Variants in DOK5 observed in about 807,000 individuals in gnomAD.
DOK5 encodes the protein downstream of tyrosine kinase 5.
In DOK5, 27 loss-of-function variants were observed where a neutral mutation model predicts 43.3. The observed-to-expected ratio is 0.62, with a 90% CI of 0.46 to 0.86. The LOEUF is 0.86. Among genes scored for constraint, DOK5 ranks in the 40% least tolerant of loss-of-function variants. The probability of loss-of-function intolerance (pLI) is 0.00; values close to 1 mark genes in which losing one functional copy is unlikely to be tolerated. For missense variants in DOK5, 373 were observed against 392.9 expected (o/e 0.95, Z 0.43); for synonymous variants, 146 against 140.1 (o/e 1.04, Z -0.30).
intron 2 of DOK5, among the ~76,000 whole-genome samples, chr20:54,563,271 G>C (rs1984973696): frequency 6.6e-6 from 1 of 152,088 alleles, no homozygotes; most frequent in Non-Finnish European, 1.5e-5. Context: ...CCTACTCTAG[G>C]AAACGAATTC....
intron 1 of DOK5, among the ~76,000 whole-genome samples, chr20:54,514,072 G>C (rs770410221): frequency 6.6e-5 from 10 of 152,200 alleles, no homozygotes; most frequent in Non-Finnish European, 1.0e-4. Context: ...GAATAGCTGG[G>C]AAGTCCGAAG....
At chr20:54,594,608 A>G (rs1444790129) in intron 5 of DOK5, among the ~76,000 whole-genome samples, 2 of 152,190 alleles carry the variant, frequency 1.3e-5, no homozygotes, top group Non-Finnish European at 2.9e-5. Context: ...GTGTAAGAGA[A>G]TTCTGCATTG....
intron 1 of DOK5, among the ~76,000 whole-genome samples, chr20:54,525,148 C>T (rs947179265): frequency 3.9e-5 from 6 of 152,182 alleles, no homozygotes. Flanking sequence ...AAGTTGTCTT[C>T]CCCAAGGGTG....
intron 1 of DOK5, among the ~76,000 whole-genome samples, chr20:54,490,994 G>C (rs1051623980): frequency 1.3e-5 from 2 of 152,184 alleles, no homozygotes; most frequent in African/African-American, 2.4e-5. Context: ...CCCTTTGTCA[G>C]TAACGTTCTT....
chr20:54,524,593 A>G (rs1465442976), intron 1 of DOK5, among the ~76,000 whole-genome samples: 1 of 152,174 alleles, frequency 6.6e-6, no homozygotes, highest in East Asian at 1.9e-4. Flanking sequence ...TATTTCCTTC[A>G]TTATTCAATA....
chr20:54,559,235 G>A (rs1984819473), intron 2 of DOK5, among the ~76,000 whole-genome samples: 1 of 152,220 alleles, frequency 6.6e-6, no homozygotes, highest in Non-Finnish European at 1.5e-5. Context: ...GAAATAGAGT[G>A]GAAGGAAGAC....
rs550943378 is a variant in DOK5 at position 54,645,925 on chromosome 20, C to CA, written c.856+2378dup. 4.8e-3 allele frequency among the ~76,000 whole-genome samples: 415 copies of CA among 85,874 alleles called. 31 individuals carry two copies. The highest frequency in any genetic ancestry group is 7.5e-3 in the Non-Finnish European group (341 of 45,390). The allele number at this position is 85,874 out of a possible 152,430, so 56.3% of individuals were successfully genotyped here. A position where few individuals can be genotyped will look rare whatever the true frequency, so the allele number is the denominator to read the frequency against. Reference sequence around the variant, plus strand: ...AGAGCATGGCACATAGCAGATGCTGCAAAAAAAAAAAAAAAAAAAAAAAAA... The same window carrying CA: ...AGAGCATGGCACATAGCAGATGCTGCAAAAAAAAAAAAAAAAAAAAAAAAAA... On this transcript the variant is annotated intron_variant, in intron 7 of 7. Coordinates refer to ENST00000262593, the MANE Select transcript of DOK5 (RefSeq NM_018431.5).
intron 1 of DOK5, among the ~76,000 whole-genome samples, chr20:54,509,382 G>T (rs1270105825): frequency 2.7e-5 from 4 of 150,854 alleles, no homozygotes; most frequent in Non-Finnish European, 4.4e-5. Flanking sequence ...TGTAGAGACA[G>T]GGGTCTTGCT....
chr20:54,558,809 GA>G (rs1179309030), intron 2 of DOK5, among the ~76,000 whole-genome samples: 2 of 151,754 alleles, frequency 1.3e-5, no homozygotes, highest in Non-Finnish European at 2.9e-5. Context: ...ATATTATTAA[GA>G]AAAAAATGCC....
Position 54,565,875 on chromosome 20 carries a change from G to A in DOK5, c.174+10835G>A, listed in dbSNP as rs373276604. Among the ~76,000 whole-genome samples, 44 of 151,922 alleles carry A rather than the reference G, an allele frequency of 2.9e-4. No homozygotes were observed. In the South Asian group the frequency reaches 7.7e-3, roughly 27 times the overall value. On this transcript the variant is annotated intron_variant, in intron 2 of 7. Coordinates refer to ENST00000262593, the MANE Select transcript of DOK5 (RefSeq NM_018431.5). ...ACTAAAAAATACAAAAAAATTAGCCGGGCGTGGTGGTGTGTGCCTGTAGTC... is the reference window on the plus strand; with the variant it reads ...ACTAAAAAATACAAAAAAATTAGCCAGGCGTGGTGGTGTGTGCCTGTAGTC...
chr20:54,518,622 T>C (rs1406190450), intron 1 of DOK5, among the ~76,000 whole-genome samples: 2 of 152,210 alleles, frequency 1.3e-5, no homozygotes, highest in Non-Finnish European at 2.9e-5. Flanking sequence ...TGCTTTATAA[T>C]CCTTTGGGTA....
chr20:54,551,673 A>G (rs1266993313), intron 1 of DOK5, among the ~76,000 whole-genome samples: 5 of 152,146 alleles, frequency 3.3e-5, no homozygotes, highest in Non-Finnish European at 7.4e-5. Flanking sequence ...CTTTTCTTCC[A>G]CTGAATTGCT....
chr20:54,549,404 T>A (rs1984450323), intron 1 of DOK5, among the ~76,000 whole-genome samples: 1 of 152,224 alleles, frequency 6.6e-6, no homozygotes, highest in South Asian at 2.1e-4. Context: ...TTTTGTACCA[T>A]GTGTTTGTAT....
chr20:54,649,412 C>A (rs1307276582), intron 7 of DOK5, among the ~76,000 whole-genome samples: 1 of 151,122 alleles, frequency 6.6e-6, no homozygotes, highest in Non-Finnish European at 1.5e-5. Context: ...AAAAAAAATA[C>A]ATACAAATAA....
intron 6 of DOK5, among the ~76,000 whole-genome samples, chr20:54,627,130 A>AT: frequency 6.6e-6 from 1 of 152,312 alleles, no homozygotes; most frequent in South Asian, 2.1e-4. Flanking sequence ...AGAATATCAG[A>AT]TTTTTTGCCA....
intron 1 of DOK5, among the ~76,000 whole-genome samples, chr20:54,549,069 G>A (rs1165117174): frequency 6.6e-6 from 1 of 152,174 alleles, no homozygotes; most frequent in Admixed American, 6.5e-5. Context: ...TCAGATGCCC[G>A]CATCGGGAAG....
intron 1 of DOK5, among the ~76,000 whole-genome samples, chr20:54,551,776 C>T (rs1303891755): frequency 6.6e-6 from 1 of 152,150 alleles, no homozygotes; most frequent in Non-Finnish European, 1.5e-5. Context: ...TATACTAATA[C>T]CTCTGGGTAT....
intron 1 of DOK5, among the ~76,000 whole-genome samples, chr20:54,553,625 G>T (rs1191565400): frequency 6.6e-6 from 1 of 150,850 alleles, no homozygotes; most frequent in Non-Finnish European, 1.5e-5. Context: ...TGCTGGGCGC[G>T]GTGGCTCACG....
chr20:54,533,148 T>C (rs1452343100), intron 1 of DOK5, among the ~76,000 whole-genome samples: 1 of 152,242 alleles, frequency 6.6e-6, no homozygotes, highest in African/African-American at 2.4e-5. Context: ...TTGACATTTT[T>C]GTTGCAGAAA....
Sources: allele counts gnomAD v4.1 joint callset (sites outside exome capture counted in the v4.1 genomes callset), GRCh38; gene constraint gnomAD v4.1.1; transcripts MANE v1.5; gene names NCBI Gene and HGNC (gene_info 2026-07-23, HGNC 2026-07-21).